Variants in PRUNE2 observed in about 807,000 individuals in gnomAD.
PRUNE2 encodes the protein protein prune homolog 2.
PRUNE2 carries 164 observed loss-of-function variants against 252.0 expected under a neutral mutation model. That is an observed-to-expected ratio of 0.65 (90% CI 0.57 to 0.74). PRUNE2 has a LOEUF of 0.74. PRUNE2 is among the 30% of genes least tolerant of loss of function. The probability of loss-of-function intolerance (pLI) is 0.00; values close to 1 mark genes in which losing one functional copy is unlikely to be tolerated. For synonymous variants in PRUNE2, 1,292 were observed against 1,350.2 expected (o/e 0.96, Z 0.94); for missense variants, 3,495 against 3,711.0 (o/e 0.94, Z 1.51).
chr9:76,670,033 A>T (rs1718262700), intron 9 of PRUNE2, among the ~76,000 whole-genome samples: 1 of 152,106 alleles, frequency 6.6e-6, no homozygotes, highest in African/African-American at 2.4e-5. Context: ...ACTTAACAAA[A>T]TCTTCGGGGA....
At chr9:76,887,205 G>C (rs943311484) in intron 1 of PRUNE2, among the ~76,000 whole-genome samples, 1 of 152,192 alleles carries the variant, frequency 6.6e-6, no homozygotes, top group South Asian at 2.1e-4. Flanking sequence ...TTGGGACATA[G>C]ATGCAGCCTG....
intron 3 of PRUNE2, among the ~76,000 whole-genome samples, chr9:76,850,219 G>A (rs1467614122): frequency 2.6e-5 from 4 of 152,060 alleles, no homozygotes; most frequent in South Asian, 2.1e-4. Context: ...GCTCATTTTC[G>A]TATTTTTAGT....
intron 6 of PRUNE2, among the ~76,000 whole-genome samples, chr9:76,734,485 C>T (rs866340482): frequency 7.9e-5 from 12 of 152,088 alleles, no homozygotes; most frequent in South Asian, 2.1e-4. Flanking sequence ...TACTTAACCT[C>T]GAAGCCTTGG....
At chr9:76,797,953 T>A (rs1184337696) in intron 6 of PRUNE2, among the ~76,000 whole-genome samples, 3 of 152,220 alleles carry the variant, frequency 2.0e-5, no homozygotes, top group African/African-American at 7.2e-5. Flanking sequence ...CACTTTTTAG[T>A]TCAAATCTTG....
intron 16 of PRUNE2, among the ~76,000 whole-genome samples, chr9:76,628,133 A>T (rs1564365730): frequency 6.6e-6 from 1 of 152,330 alleles, no homozygotes; most frequent in East Asian, 1.9e-4. Context: ...CTAGTGATTC[A>T]GATACAGTGA....
At chr9:76,671,766 G>C (rs10120100) in intron 9 of PRUNE2, among the ~76,000 whole-genome samples, 2,161 of 150,672 alleles carry the variant, frequency 0.014, 44 homozygotes, top group African/African-American at 0.049. Context: ...TTAAAGAAAA[G>C]AATTTTCAAC....
chr9:76,782,280 G>A (rs1331193207), intron 6 of PRUNE2, among the ~76,000 whole-genome samples: 3 of 152,168 alleles, frequency 2.0e-5, no homozygotes, highest in South Asian at 4.1e-4. Context: ...GAAGAGAAGT[G>A]ACACAACTCT....
chr9:76,735,552 T>C (rs1190752019), intron 6 of PRUNE2, among the ~76,000 whole-genome samples: 2 of 150,976 alleles, frequency 1.3e-5, no homozygotes, highest in African/African-American at 2.4e-5. Flanking sequence ...AACAAGGGAA[T>C]AGCAGGAGTA....
At chr9:76,812,783 C>T (rs1467044461) in intron 6 of PRUNE2, among the ~76,000 whole-genome samples, 1 of 152,164 alleles carries the variant, frequency 6.6e-6, no homozygotes, top group East Asian at 1.9e-4. Context: ...TGTGTCTCTG[C>T]ACAGCAAGAA....
chr9:76,839,903 T>C (rs2059286856), intron 4 of PRUNE2, among the ~76,000 whole-genome samples: 1 of 152,160 alleles, frequency 6.6e-6, no homozygotes, highest in Admixed American at 6.5e-5. Context: ...GATGATGGCT[T>C]TTAAGCAATT....
intron 9 of PRUNE2, among the ~76,000 whole-genome samples, chr9:76,668,580 G>A (rs1351327025): frequency 6.6e-6 from 1 of 152,080 alleles, no homozygotes; most frequent in African/African-American, 2.4e-5. Flanking sequence ...GGAGGGTGAG[G>A]TGGAAGCTGG....
chr9:76,661,383 C>G (rs1273775122), intron 9 of PRUNE2, among the ~76,000 whole-genome samples: 2 of 152,150 alleles, frequency 1.3e-5, no homozygotes, highest in Non-Finnish European at 2.9e-5. Context: ...GCTAGGATTA[C>G]AGGCACCTGC....
chr9:76,717,916 A>C (rs7034735), intron 6 of PRUNE2, among the ~76,000 whole-genome samples: 19,142 of 152,204 alleles, frequency 0.13, 1,523 homozygotes, highest in Middle Eastern at 0.23. Flanking sequence ...TTGTCTGAGT[A>C]ATTTCTAGTT....
At chr9:76,667,951 G>C (rs2040517576) in intron 9 of PRUNE2, among the ~76,000 whole-genome samples, 2 of 152,208 alleles carry the variant, frequency 1.3e-5, no homozygotes, top group African/African-American at 2.4e-5. Context: ...GATTGGGCTT[G>C]GTGGGTAGCG....
rs1828128652 is a variant in PRUNE2, at chr9:76,613,621, T to A, written c.*949A>T. The A allele has an allele frequency of 6.6e-6, 1 of 152,238 alleles. No homozygotes were observed. Among genetic ancestry groups the A allele is most frequent in the South Asian group, 2.1e-4 (1 of 4,834 alleles). 9.4% of individuals were successfully genotyped at this position (152,238 alleles called of 1,614,324 possible). A position where few individuals can be genotyped will look rare whatever the true frequency, so the allele number is the denominator to read the frequency against. ...GGCATTTTAAAGGGCATATGAAGAC[T>A]ATAAAGGAAATATTTTGTACATGAA... is the stretch of plus-strand genomic sequence containing the variant. On this transcript the variant is annotated 3_prime_UTR_variant, in exon 19 of 19. Transcript: ENST00000376718.
intron 6 of PRUNE2, among the ~76,000 whole-genome samples, chr9:76,733,150 T>C (rs985631587): frequency 1.2e-4 from 18 of 152,104 alleles, no homozygotes; most frequent in African/African-American, 3.9e-4. Flanking sequence ...TGCTCCTGCA[T>C]CACAGTACTC....
intron 6 of PRUNE2, among the ~76,000 whole-genome samples, chr9:76,762,320 T>C (rs1425676735): frequency 6.6e-6 from 1 of 152,164 alleles, no homozygotes; most frequent in Admixed American, 6.5e-5. Flanking sequence ...TGTGTTAACA[T>C]AGGAAGCAGT....
At chr9:76,616,291 A>T (rs1176025303) in intron 18 of PRUNE2, among the ~76,000 whole-genome samples, 2 of 152,206 alleles carry the variant, frequency 1.3e-5, no homozygotes, top group African/African-American at 2.4e-5. Flanking sequence ...TCATTTAAAA[A>T]ATATACTGTT....
intron 6 of PRUNE2, among the ~76,000 whole-genome samples, chr9:76,776,513 T>G (rs1203530504): frequency 1.3e-5 from 2 of 149,882 alleles, no homozygotes; most frequent in Non-Finnish European, 2.9e-5. Context: ...TTTTTTTTCT[T>G]TTTTCTTTTT....
Sources: allele counts gnomAD v4.1 joint callset (sites outside exome capture counted in the v4.1 genomes callset), GRCh38; gene constraint gnomAD v4.1.1; transcripts MANE v1.5; gene names NCBI Gene and HGNC (gene_info 2026-07-23, HGNC 2026-07-21).